The following GCN1 variants were observed in gnomAD, a reference collection of about 807,000 sequenced individuals.
GCN1 encodes the protein GCN1 activator of EIF2AK4, also known as stalled ribosome sensor GCN1.
A neutral mutation model predicts 288.4 loss-of-function variants in GCN1; 90 were observed. That is an observed-to-expected ratio of 0.31 (90% CI 0.26 to 0.37). The LOEUF is 0.37. Ranked by LOEUF, GCN1 falls within the 10% of genes least tolerant of loss-of-function variation. The pLI is 1.00. For synonymous variants in GCN1, 1,386 were observed against 1,420.2 expected (o/e 0.98, Z 0.54); for missense variants, 2,586 against 3,419.9 (o/e 0.76, Z 6.08).
In GCN1 at chr12:120,155,297, G is replaced by A. The variant is rs754532400; in HGVS notation, c.3574C>T (p.Arg1192Trp). 18 of 1,614,058 alleles carry A rather than the reference G, an allele frequency of 1.1e-5. No individual in the cohort carries two copies. Among genetic ancestry groups the A allele is most frequent in the African/African-American group, 5.3e-5 (4 of 74,932 alleles). Residue 1192 changes from arginine (R) to tryptophan (W), a missense_variant, in exon 30 of 58, where the codon CGG becomes TGG. By Grantham distance (101) the Arg-to-Trp change is moderately radical. Around this residue, in one of 8 missense-constraint regions of GCN1, gnomAD observed 332 missense variants for 403.0 expected, o/e 0.82. Coordinates refer to ENST00000300648, the MANE Select transcript of GCN1 (RefSeq NM_006836.2). The surrounding 1 kb of genome is among the most constrained non-coding windows in gnomAD (Gnocchi z 4.9). Reference sequence around the variant, plus strand: ...CTGCCCATAACCTCCGCCGCCTGCCGCTGGTAACGTGCCACTGCTTGGGAG... The same window carrying A: ...CTGCCCATAACCTCCGCCGCCTGCCACTGGTAACGTGCCACTGCTTGGGAG... ...ALSQAVARYQ[R>W]QAAEVMGRLM...
Position 120,134,750 on chromosome 12 carries a change from G to A in GCN1, c.7009-24C>T. 1 of 1,605,390 alleles carries A rather than the reference G, an allele frequency of 6.2e-7. No individual in the cohort carries two copies. Among genetic ancestry groups the A allele is most frequent in the Non-Finnish European group, 8.5e-7 (1 of 1,174,046 alleles). On this transcript the variant is annotated intron_variant, in intron 51 of 57. Transcript: ENST00000300648. This position sits in a 1 kb window ranked among gnomAD's most constrained non-coding sequence, Gnocchi z 5.0. ...ACCTGTGGGAGGAACCCACATCCAT[G>A]AAAGACAGTTGTGGTAGACCCAAAG...
Position 120,156,939 on chromosome 12 carries a change from C to A in GCN1, c.3141G>T (p.Val1047=). ...GTAAGCGAGGCGAGCCCGTCCCGATCACCCAAGTCAGAAGACGCAGCATGG... is the reference window on the plus strand; with the variant it reads ...GTAAGCGAGGCGAGCCCGTCCCGATAACCCAAGTCAGAAGACGCAGCATGG... ...RVAMLRLLTW[V]IGTGSPRLQV... Residue 1047 remains valine (V), a synonymous_variant, in exon 27 of 58, where the codon GTG becomes GTT. Transcript: ENST00000300648. The surrounding 1 kb of genome is among the most constrained non-coding windows in gnomAD (Gnocchi z 5.8). The A allele has an allele frequency of 6.2e-7, 1 of 1,612,952 alleles. No individual in the cohort carries two copies. The highest frequency in any genetic ancestry group is 1.1e-5 in the South Asian group (1 of 91,054).
At chr12:120,171,199 C>T (rs1339222270) in intron 14 of GCN1, among the ~76,000 whole-genome samples, 2 of 151,406 alleles carry the variant, frequency 1.3e-5, no homozygotes, top group Non-Finnish European at 2.9e-5. Context: ...GGCACGGTGG[C>T]TCATGCCTAT....
chr12:120,190,460 T>C (rs1878968776), intron 1 of GCN1, 60 bp from the exon 2 acceptor site: 1 of 896,750 alleles, frequency 1.1e-6, no homozygotes, highest in African/African-American at 1.6e-5. Flanking sequence ...TGAGTGTGTG[T>C]GTTGAGGGGT....
rs1877064757 is a variant in GCN1, at chr12:120,137,928, T to C, written c.6366A>G (p.Glu2122=). Residue 2122 remains glutamate, a synonymous_variant, in exon 48 of 58, where the codon GAA becomes GAG. Coordinates refer to ENST00000300648, the MANE Select transcript of GCN1 (RefSeq NM_006836.2). This position sits in a 1 kb window ranked among gnomAD's most constrained non-coding sequence, Gnocchi z 5.2. The part of the protein sequence containing the change: ...ILPAVMLALK[E]KLGTPDEQLE... Reference sequence around the variant, plus strand: ...GCTGCTCATCTGGGGTCCCAAGCTTTTCCTTCAGGGCCAGCATGACCGCTG... The same window carrying C: ...GCTGCTCATCTGGGGTCCCAAGCTTCTCCTTCAGGGCCAGCATGACCGCTG... 6.2e-7 allele frequency: 1 copy of C among 1,614,038 alleles called. No homozygotes were observed. Among genetic ancestry groups the C allele is most frequent in the Non-Finnish European group, 8.5e-7 (1 of 1,180,028 alleles).
At position 120,175,777 on chromosome 12, in the gene GCN1, G is replaced by A. The variant is rs570122396; in HGVS notation, c.1011C>T (p.Ser337=). Residue 337 remains serine, a synonymous_variant, in exon 11 of 58, where the codon TCC becomes TCT. Coordinates refer to ENST00000300648, the MANE Select transcript of GCN1 (RefSeq NM_006836.2). Reference sequence around the variant, plus strand: ...GGATAGCAAATAGGTGCTTGGTCAGGGATTCCATGGCCGAAGAGTCACTGC... The same window carrying A: ...GGATAGCAAATAGGTGCTTGGTCAGAGATTCCATGGCCGAAGAGTCACTGC... The part of the protein sequence containing the change: ...RQCSDSSAME[S]LTKHLFAILG... The A allele has an allele frequency of 2.5e-6, 4 of 1,612,732 alleles. No homozygotes were observed. The South Asian group carries it at 3.3e-5, about 13-fold the overall frequency.
Position 120,164,508 on chromosome 12 carries a change from G to T in GCN1, c.1689-13C>A. On this transcript the variant is annotated splice_polypyrimidine_tract_variant and intron_variant, in intron 17 of 57. Coordinates refer to ENST00000300648, the MANE Select transcript of GCN1 (RefSeq NM_006836.2). ...CCGGTGGTACTGCCTGCAAGCACAG[G>T]GACAGACAGGTCTGGGGGAAGGCCA... The T allele has an allele frequency of 6.2e-7, 1 of 1,612,758 alleles. No individual in the cohort carries two copies. Among genetic ancestry groups the T allele is most frequent in the East Asian group, 2.2e-5 (1 of 44,852 alleles).
rs777851450 is a variant in GCN1, at chr12:120,158,618, G to A, written c.2750-3C>T. 6 of 1,600,774 alleles carry A rather than the reference G, an allele frequency of 3.7e-6. No individual in the cohort carries two copies. In the African/African-American group the frequency reaches 5.3e-5, roughly 14 times the overall value. On this transcript the variant is annotated splice_region_variant and splice_polypyrimidine_tract_variant and intron_variant, in intron 24 of 57. Coordinates refer to ENST00000300648, the MANE Select transcript of GCN1 (RefSeq NM_006836.2). The surrounding 1 kb of genome is among the most constrained non-coding windows in gnomAD (Gnocchi z 4.3). ...GGTCACGTGGCTCACCAAAGTGCCT[G>A]TGTTGAAGAGGAGAGACCCAGCAGG...
At chr12:120,169,434 A>G (rs1219100304) in intron 15 of GCN1, among the ~76,000 whole-genome samples, 1 of 150,044 alleles carries the variant, frequency 6.7e-6, no homozygotes, top group African/African-American at 2.4e-5. Context: ...TATAAGTAAT[A>G]TGGCATATAG....
intron 34 of GCN1, among the ~76,000 whole-genome samples, chr12:120,150,643 G>T (rs1877513106): frequency 6.9e-6 from 1 of 145,622 alleles, no homozygotes; most frequent in Non-Finnish European, 1.5e-5. Flanking sequence ...GTGTTGCTGA[G>T]TTAGAAATTT....
At chr12:120,174,212 C>A (rs774487417) in intron 12 of GCN1, 43 bp from the exon 13 acceptor site, 1 of 1,139,254 alleles carries the variant, frequency 8.8e-7, no homozygotes, top group Non-Finnish European at 1.3e-6. Flanking sequence ...CAGCACAGAA[C>A]CACAGAGGCA....
Position 120,151,285 on chromosome 12 carries a change from T to C in GCN1, c.4169A>G (p.Lys1390Arg). ...RLMQQLLESD[K>R]YAERKGAAYG... ...GGCGGCCCCTTTGCGCTCTGCGTAC[T>C]TGTCTGACTCCAGCAGCTGCTGCAT... Residue 1390 changes from lysine to arginine, a missense_variant, in exon 34 of 58, where the codon AAG (lysine) becomes AGG (arginine). By Grantham distance (26) the Lys-to-Arg change is conservative. Coordinates refer to ENST00000300648, the MANE Select transcript of GCN1 (RefSeq NM_006836.2). 6.2e-7 allele frequency: 1 copy of C among 1,614,206 alleles called. No individual in the cohort carries two copies. Among genetic ancestry groups the C allele is most frequent in the Non-Finnish European group, 8.5e-7 (1 of 1,180,034 alleles).
chr12:120,191,176 T>C (rs905411650), intron 1 of GCN1, among the ~76,000 whole-genome samples: 81 of 152,342 alleles, frequency 5.3e-4, no homozygotes, highest in African/African-American at 1.9e-3. Context: ...TTATAGGCGA[T>C]GAAGAAACCA....
At chr12:120,161,351 A>ACTGGT in intron 22 of GCN1, 139 bp downstream of exon 22, 1 of 651,280 alleles carries the variant, frequency 1.5e-6, no homozygotes, top group African/African-American at 1.8e-5. Context: ...TGCACCAGAC[A>ACTGGT]CTGGTCAGGG....
At chr12:120,175,722 G>T (rs189913493) in intron 11 of GCN1, 24 bp downstream of exon 11, 10 of 1,601,092 alleles carry the variant, frequency 6.2e-6, no homozygotes, top group East Asian at 2.3e-5. Context: ...TCAACCACCC[G>T]CATGGCCAAG....
chr12:120,168,598 C>T lies in GCN1; in HGVS notation c.1520-298G>A, dbSNP rs1346412545. 1.3e-5 allele frequency among the ~76,000 whole-genome samples: 2 copies of T among 152,196 alleles called. 1 individual carries two copies. The highest frequency in any genetic ancestry group is 4.8e-5 in the African/African-American group (2 of 41,452). On this transcript the variant is annotated intron_variant, in intron 15 of 57. Transcript: ENST00000300648. ...CTGAGGTTTACAGACTCTGGCTTTC[C>T]CTGCCCTTCCCTGACTGGGGCTGTT...
At chr12:120,161,024 C>CA (rs1877908600) in intron 22 of GCN1, among the ~76,000 whole-genome samples, 1 of 152,186 alleles carries the variant, frequency 6.6e-6, no homozygotes, top group Non-Finnish European at 1.5e-5. Flanking sequence ...CTTGTAAAGA[C>CA]AGAGAGAAGA....
chr12:120,131,831 A>G, intron 54 of GCN1, 95 bp downstream of exon 54: 1 of 795,034 alleles, frequency 1.3e-6, no homozygotes. Flanking sequence ...CCAGTTGCTA[A>G]AAGATCCTCT....
At chr12:120,181,687 A>G (rs1354613603) in intron 5 of GCN1, among the ~76,000 whole-genome samples, 4 of 151,458 alleles carry the variant, frequency 2.6e-5, no homozygotes, top group Non-Finnish European at 5.9e-5. Flanking sequence ...TAAAAATACA[A>G]AACTAGTCGG....
Sources: gnomAD v4.1 joint callset for allele counts (sites outside exome capture counted in the v4.1 genomes callset) on GRCh38, gnomAD v4.1.1 for gene constraint, gnomAD v4.1.1 regional missense constraint, Gnocchi (gnomAD v3.1) non-coding constraint, MANE v1.5 for transcripts, NCBI Gene and HGNC (gene_info 2026-07-23, HGNC 2026-07-21) for gene names.